The following FAM193A variants were observed in gnomAD, a reference collection of about 807,000 sequenced individuals.
FAM193A encodes the protein protein FAM193A.
FAM193A carries 22 observed loss-of-function variants against 126.5 expected under a neutral mutation model. That is an observed-to-expected ratio of 0.17 (90% CI 0.12 to 0.25). The LOEUF (loss-of-function observed/expected upper bound fraction) is 0.25. FAM193A is among the 10% of genes least tolerant of loss of function. The pLI, the probability that FAM193A is intolerant of heterozygous loss-of-function variation, is 1.00. For missense variants in FAM193A, 1,675 were observed against 1,672.8 expected (o/e 1.00, Z -0.02); for synonymous variants, 761 against 646.8 (o/e 1.18, Z -2.68).
intron 13 of FAM193A, among the ~76,000 whole-genome samples, chr4:2,678,793 A>T (rs576394969): frequency 1.1e-4 from 16 of 152,176 alleles, no homozygotes; most frequent in Non-Finnish European, 2.1e-4. Context: ...TACTTTGCTG[A>T]ATTCATCTAT....
At chr4:2,552,444 C>G (rs909041403) in intron 1 of FAM193A, among the ~76,000 whole-genome samples, 1 of 152,114 alleles carries the variant, frequency 6.6e-6, no homozygotes, top group Non-Finnish European at 1.5e-5. Flanking sequence ...AGCCACCGTG[C>G]CTGGGCTTTT....
At chr4:2,637,182 C>G (rs945160896) in intron 5 of FAM193A, among the ~76,000 whole-genome samples, 1 of 152,060 alleles carries the variant, frequency 6.6e-6, no homozygotes, top group Non-Finnish European at 1.5e-5. Context: ...CAAAAATTAG[C>G]TGAGCGTGAT....
chr4:2,724,945 C>T (rs1157991281), intron 20 of FAM193A, among the ~76,000 whole-genome samples: 2 of 152,092 alleles, frequency 1.3e-5, no homozygotes, highest in African/African-American at 2.4e-5. Flanking sequence ...GGTGCAATCT[C>T]GGCTCACTGC....
intron 1 of FAM193A, among the ~76,000 whole-genome samples, chr4:2,588,236 A>G (rs908372159): frequency 6.6e-6 from 1 of 152,140 alleles, no homozygotes; most frequent in African/African-American, 2.4e-5. Flanking sequence ...AACTTCCATC[A>G]TTAGGCTCAG....
chr4:2,601,417 TA>T (rs1741191384), intron 2 of FAM193A, among the ~76,000 whole-genome samples: 1 of 151,876 alleles, frequency 6.6e-6, no homozygotes, highest in African/African-American at 2.4e-5. Flanking sequence ...GTATTTTTAG[TA>T]GAGATGGGGT....
chr4:2,675,656 A>G (rs1714313433), intron 13 of FAM193A, among the ~76,000 whole-genome samples: 1 of 152,240 alleles, frequency 6.6e-6, no homozygotes. Context: ...ATGCACTAAC[A>G]TAAAATTTAC....
chr4:2,720,301 G>C (rs1203692564), intron 20 of FAM193A, among the ~76,000 whole-genome samples: 3 of 152,114 alleles, frequency 2.0e-5, no homozygotes, highest in Non-Finnish European at 4.4e-5. Context: ...AAATATAAAA[G>C]AACTTACAGC....
intron 20 of FAM193A, among the ~76,000 whole-genome samples, chr4:2,730,607 A>G (rs1431610032): frequency 6.7e-6 from 1 of 149,980 alleles, no homozygotes; most frequent in African/African-American, 2.5e-5. Flanking sequence ...GGAGAATGGC[A>G]TGAACCTGGG....
At chr4:2,634,163 C>G (rs141475997) in intron 5 of FAM193A, among the ~76,000 whole-genome samples, 1 of 152,200 alleles carries the variant, frequency 6.6e-6, no homozygotes, top group Non-Finnish European at 1.5e-5. Flanking sequence ...CAGGGATCTG[C>G]AGCTCTCGTG....
chr4:2,634,766 A>G (rs758289252), intron 5 of FAM193A, among the ~76,000 whole-genome samples: 1 of 152,240 alleles, frequency 6.6e-6, no homozygotes, highest in Non-Finnish European at 1.5e-5. Flanking sequence ...TGGTTATAGT[A>G]TAATGACAGC....
At chr4:2,671,866 A>T (rs1713835078) in intron 12 of FAM193A, among the ~76,000 whole-genome samples, 1 of 152,144 alleles carries the variant, frequency 6.6e-6, no homozygotes, top group Admixed American at 6.5e-5. Flanking sequence ...TAGGCATAGG[A>T]TTCAGAACCA....
intron 19 of FAM193A, among the ~76,000 whole-genome samples, chr4:2,710,161 GTTTTTTTTTTTTTTTCTTTT>G (rs1353124868): frequency 1.1e-5 from 1 of 91,822 alleles, no homozygotes; most frequent in Admixed American, 1.5e-4. Flanking sequence ...TTCTTCTTTT[GTTTTTTTTTTTTTTTCTTTT>G]TTTTTTTTTT....
chr4:2,695,023 A>G lies in FAM193A; in HGVS notation c.3170A>G (p.Asp1057Gly). 1.9e-6 allele frequency: 3 copies of G among 1,610,734 alleles called. No homozygotes were observed. The highest frequency in any genetic ancestry group is 1.7e-6 in the Non-Finnish European group (2 of 1,178,618). The part of the protein sequence containing the change: ...PQQDDGDESA[D>G]EDSCSEHSSS... ...CAGGATGATGGGGACGAGAGTGCAG[A>G]TGAGGACAGCTGCTCTGAGCACAGC... The change falls in exon 17 of 21, where the codon GAT becomes GGT. Residue 1057 changes from aspartate to glycine, a missense_variant. Transcript: ENST00000637812.
intron 19 of FAM193A, among the ~76,000 whole-genome samples, chr4:2,705,526 T>C (rs1394430211): frequency 3.3e-5 from 5 of 152,106 alleles, no homozygotes; most frequent in Admixed American, 1.3e-4. Context: ...GTGTGAAATA[T>C]GGATCCAATT....
At chr4:2,594,747 C>G (rs1435425138) in intron 1 of FAM193A, among the ~76,000 whole-genome samples, 1 of 151,182 alleles carries the variant, frequency 6.6e-6, no homozygotes, top group Non-Finnish European at 1.5e-5. Flanking sequence ...CACACACACA[C>G]TTGCTGGTCT....
intron 1 of FAM193A, among the ~76,000 whole-genome samples, chr4:2,557,370 T>C (rs1460621715): frequency 1.3e-5 from 2 of 152,174 alleles, no homozygotes; most frequent in Non-Finnish European, 2.9e-5. Context: ...CTCCCTAATA[T>C]GGATATTCTA....
chr4:2,665,569 T>A lies in FAM193A; in HGVS notation c.2079+2281T>A, dbSNP rs531495622. On this transcript the variant is annotated intron_variant, in intron 12 of 20. Transcript: ENST00000637812. ...TGTCACCCAGGCTGGAGTGCACTGC[T>A]GCAGTCATGGCTCACTGCAGCCTCA... Among the ~76,000 whole-genome samples the A allele has an allele frequency of 2.0e-5, 3 of 152,338 alleles. No individual in the cohort carries two copies. In the South Asian group the frequency reaches 6.2e-4, roughly 32 times the overall value.
intron 1 of FAM193A, among the ~76,000 whole-genome samples, chr4:2,593,303 A>G (rs1305394106): frequency 2.6e-5 from 4 of 152,100 alleles, no homozygotes; most frequent in Non-Finnish European, 5.9e-5. Flanking sequence ...CTCTGCACGC[A>G]GCCTCAGAGT....
intron 2 of FAM193A, among the ~76,000 whole-genome samples, chr4:2,601,271 C>T (rs555229401): frequency 2.4e-5 from 3 of 124,706 alleles, no homozygotes; most frequent in African/African-American, 6.0e-5. Flanking sequence ...TTCTCTCTGT[C>T]GCCCAGGCTG....
Sources: gnomAD v4.1 joint callset for allele counts (sites outside exome capture counted in the v4.1 genomes callset) on GRCh38, gnomAD v4.1.1 for gene constraint, MANE v1.5 for transcripts, NCBI Gene and HGNC (gene_info 2026-07-23, HGNC 2026-07-21) for gene names.